Variants in PPP1R7 observed in about 807,000 individuals in gnomAD.
PPP1R7 encodes the protein protein phosphatase 1 regulatory subunit 7.
In PPP1R7, 18 loss-of-function variants were observed where a neutral mutation model predicts 45.2. That is an observed-to-expected ratio of 0.40 (90% CI 0.28 to 0.59). The LOEUF is 0.59. Among genes scored for constraint, PPP1R7 ranks in the 20% least tolerant of loss-of-function variants. The pLI is 0.46. For synonymous variants in PPP1R7, 181 were observed against 183.4 expected (o/e 0.99, Z 0.11); for missense variants, 314 against 455.8 (o/e 0.69, Z 2.83).
At chr2:241,150,067 C>G (rs189782014), upstream of PPP1R7, 466 of 1,295,728 alleles carry the variant, frequency 3.6e-4, no homozygotes, top group African/African-American at 6.3e-3. Context: ...GCACGTAGGA[C>G]TGGCCCGCAC....
chr2:241,157,876 C>T lies in PPP1R7; in HGVS notation c.237+14C>T. ...AGAGATGCAGAGGTAATGCCGCCTG[C>T]TCAGCCCAGCCTTGGGCGTGGTGAT... is the stretch of plus-strand genomic sequence containing the variant. On this transcript the variant is annotated intron_variant, in intron 3 of 9. Coordinates refer to ENST00000234038, the MANE Select transcript of PPP1R7 (RefSeq NM_002712.3). 6.2e-7 allele frequency: 1 copy of T among 1,611,916 alleles called. No homozygotes were observed. The highest frequency in any genetic ancestry group is 8.5e-7 in the Non-Finnish European group (1 of 1,177,940).
chr2:241,151,857 C>G (rs1015471296), intron 1 of PPP1R7, among the ~76,000 whole-genome samples: 1 of 152,208 alleles, frequency 6.6e-6, no homozygotes, highest in East Asian at 1.9e-4. Context: ...TTCATCATCT[C>G]TAGGCTAGAT....
rs60547782 is a variant in PPP1R7, at chr2:241,178,623, A to ATT, written c.907-4007_907-4006dup. Among the ~76,000 whole-genome samples the ATT allele has an allele frequency of 5.0e-3, 199 of 39,874 alleles. 2 individuals carry two copies. Among genetic ancestry groups the ATT allele is most frequent in the East Asian group, 0.018 (21 of 1,200 alleles). 26.2% of individuals were successfully genotyped at this position (39,874 alleles called of 152,430 possible). A position where few individuals can be genotyped will look rare whatever the true frequency, so the allele number is the denominator to read the frequency against. On this transcript the variant is annotated intron_variant, in intron 9 of 9. Transcript: ENST00000234038. ...AGGTGCCCGCCACCACGCTCCGCTA[A>ATT]TTTTTTTTTTTTTTTTTTAGACGGA... is the stretch of plus-strand genomic sequence containing the variant.
intron 6 of PPP1R7, 54 bp from the exon 7 acceptor site, chr2:241,163,231 G>A (rs1486170598): frequency 3.2e-6 from 4 of 1,259,004 alleles, no homozygotes; most frequent in Non-Finnish European, 4.6e-6. Context: ...CCTGCTGGCT[G>A]CCTGGGGCAG....
intron 1 of PPP1R7, 142 bp downstream of exon 1, chr2:241,150,689 C>G (rs1330647946): frequency 1.6e-6 from 2 of 1,271,090 alleles, no homozygotes; most frequent in East Asian, 3.2e-5. Context: ...ACAGCCGGAC[C>G]CGGGGGAGCG....
rs536179035 is a variant in PPP1R7, at chr2:241,166,515, A to T, written c.819+74A>T. 41 of 1,290,538 alleles carry T rather than the reference A, an allele frequency of 3.2e-5. No homozygotes were observed. In the African/African-American group the frequency reaches 6.0e-4, roughly 19 times the overall value. The allele number at this position is 1,290,538 out of a possible 1,614,324, so 79.9% of individuals were successfully genotyped here. A position where few individuals can be genotyped will look rare whatever the true frequency, so the allele number is the denominator to read the frequency against. On this transcript the variant is annotated intron_variant, in intron 8 of 9. Transcript: ENST00000234038. ...GCGGGCAGGCACCTGGCCAGCCAGC[A>T]CACACTGGCCTCTCGGGCCGGTGTC...
intron 1 of PPP1R7, 54 bp from the exon 2 acceptor site, chr2:241,153,422 T>C (rs2067367585): frequency 6.2e-7 from 1 of 1,604,326 alleles, no homozygotes; most frequent in Non-Finnish European, 8.5e-7. Context: ...TATTATATGT[T>C]CCTCAAAGTC....
chr2:241,159,106 C>A, intron 4 of PPP1R7, 107 bp from the exon 5 acceptor site: 1 of 1,332,708 alleles, frequency 7.5e-7, no homozygotes, highest in Non-Finnish European at 1.0e-6. Context: ...AGAATGAAGA[C>A]ATGTCCTTCT....
intron 8 of PPP1R7, chr2:241,167,104 G>C (rs1359624271): frequency 6.2e-7 from 1 of 1,603,584 alleles, no homozygotes; most frequent in Admixed American, 1.7e-5. Flanking sequence ...ACCCTCCTCA[G>C]CTGCCTCCAG....
At chr2:241,159,057 T>C (rs2067524919) in intron 4 of PPP1R7, 156 bp from the exon 5 acceptor site, 1 of 907,590 alleles carries the variant, frequency 1.1e-6, no homozygotes, top group Non-Finnish European at 1.7e-6. Context: ...CTTGCCCACC[T>C]GCCTCTCAAA....
chr2:241,153,043 T>A lies in PPP1R7; in HGVS notation c.53-433T>A, dbSNP rs191781742. ...CAGAACGTGGGCCTGTGAACTTGGC[T>A]GGTTTTCTTAGCCAGATAAATAGTG... On this transcript the variant is annotated intron_variant, in intron 1 of 9. Coordinates refer to ENST00000234038, the MANE Select transcript of PPP1R7 (RefSeq NM_002712.3). 9.9e-3 allele frequency among the ~76,000 whole-genome samples: 1,507 copies of A among 152,212 alleles called. 27 individuals are homozygous for A. The highest frequency in any genetic ancestry group is 0.034 in the African/African-American group (1,409 of 41,444).
intron 9 of PPP1R7, among the ~76,000 whole-genome samples, chr2:241,178,101 G>C (rs2067938024): frequency 2.0e-5 from 3 of 152,250 alleles, no homozygotes; most frequent in Non-Finnish European, 4.4e-5. Context: ...ACCCAGGGCT[G>C]TCTGGGTGTG....
Position 241,159,353 on chromosome 2 carries a change from G to C in PPP1R7, c.434+10G>C, listed in dbSNP as rs377317318. ...CGCTAACAGAGCTGGAGTGAGTCAT[G>C]AGACCCACAGGAGAACAGCATGGTG... On this transcript the variant is annotated intron_variant, in intron 5 of 9. Coordinates refer to ENST00000234038, the MANE Select transcript of PPP1R7 (RefSeq NM_002712.3). 1.9e-6 allele frequency: 3 copies of C among 1,611,542 alleles called. No homozygotes were observed. Among genetic ancestry groups the C allele is most frequent in the Non-Finnish European group, 2.5e-6 (3 of 1,178,582 alleles).
At chr2:241,160,040 G>A (rs17384418) in intron 5 of PPP1R7, among the ~76,000 whole-genome samples, 1 of 152,170 alleles carries the variant, frequency 6.6e-6, no homozygotes, top group Non-Finnish European at 1.5e-5. Context: ...ATGGGCACAA[G>A]TGTGAACAAA....
chr2:241,151,772 GACTTTT>G (rs1353527289), intron 1 of PPP1R7, among the ~76,000 whole-genome samples: 17 of 152,104 alleles, frequency 1.1e-4, no homozygotes, highest in African/African-American at 4.1e-4. Context: ...AAGGAGCTCT[GACTTTT>G]ACTTTTGAAA....
intron 8 of PPP1R7, among the ~76,000 whole-genome samples, chr2:241,168,643 G>A (rs2067762427): frequency 6.6e-6 from 1 of 152,154 alleles, no homozygotes; most frequent in South Asian, 2.1e-4. Context: ...GTGGTTTGAA[G>A]GCACCTCCTA....
chr2:241,172,661 A>T (rs1244952248), intron 9 of PPP1R7, among the ~76,000 whole-genome samples: 1 of 151,938 alleles, frequency 6.6e-6, no homozygotes, highest in African/African-American at 2.4e-5. Context: ...AAAAAAAAGA[A>T]ATTTAAAAAC....
At chr2:241,152,238 C>G (rs915829115) in intron 1 of PPP1R7, among the ~76,000 whole-genome samples, 1 of 152,232 alleles carries the variant, frequency 6.6e-6, no homozygotes, top group Non-Finnish European at 1.5e-5. Context: ...CTTCCACAGA[C>G]TAGGAGATTG....
intron 2 of PPP1R7, among the ~76,000 whole-genome samples, chr2:241,157,102 C>T (rs889832430): frequency 2.6e-5 from 4 of 152,302 alleles, no homozygotes; most frequent in South Asian, 4.2e-4. Context: ...CTCCCTCCTC[C>T]GCACAGAGGA....
Sources: gnomAD v4.1 joint callset for allele counts (sites outside exome capture counted in the v4.1 genomes callset) on GRCh38, gnomAD v4.1.1 for gene constraint, MANE v1.5 for transcripts, NCBI Gene and HGNC (gene_info 2026-07-23, HGNC 2026-07-21) for gene names.